Variants in SF3A1 observed in about 807,000 individuals in gnomAD.
SF3A1 encodes the protein SAP 114.
SF3A1 carries 13 observed loss-of-function variants against 89.9 expected under a neutral mutation model. The ratio of observed to expected loss-of-function variants is 0.14; its 90% CI spans 0.09 to 0.23. The LOEUF (loss-of-function observed/expected upper bound fraction) is 0.23, where lower values mean the gene tolerates loss of function less well. SF3A1 is among the 10% of genes least tolerant of loss of function. The pLI, the probability that SF3A1 is intolerant of heterozygous loss-of-function variation, is 1.00. For synonymous variants in SF3A1, 405 were observed against 374.4 expected (o/e 1.08, Z -0.94); for missense variants, 604 against 1,022.1 (o/e 0.59, Z 5.58).
chr22:30,352,037 G>T (rs1210553445), intron 2 of SF3A1, among the ~76,000 whole-genome samples: 1 of 152,058 alleles, frequency 6.6e-6, no homozygotes, highest in Admixed American at 6.6e-5. Flanking sequence ...TCCATCTGAG[G>T]TGGCGGCTAG....
chr22:30,338,764 A>G, intron 11 of SF3A1, 25 bp downstream of exon 11: 1 of 1,613,302 alleles, frequency 6.2e-7, no homozygotes, highest in Non-Finnish European at 8.5e-7. Context: ...TAAAAAAGTC[A>G]GTTCCAGGGT....
rs965043762 is a variant in SF3A1 at position 30,335,727 on chromosome 22, C to T, written c.2133G>A (p.Val711=). 2 of 1,614,198 alleles carry T rather than the reference C, an allele frequency of 1.2e-6. No homozygotes were observed. Residue 711 remains valine, a synonymous_variant, in exon 14 of 16, where the codon GTG becomes GTA. Transcript: ENST00000215793. ...ATTCCGTCTTATCCTGCATGTTGGG[C>T]ACCTGGACTTTGATGGACACTGGAC... The part of the protein sequence containing the change: ...NKGPVSIKVQ[V]PNMQDKTEWK...
chr22:30,348,674 A>C (rs183526534), intron 2 of SF3A1, among the ~76,000 whole-genome samples: 1 of 152,138 alleles, frequency 6.6e-6, no homozygotes, highest in Non-Finnish European at 1.5e-5. Context: ...ACAGTATATT[A>C]GTCTAACTGG....
intron 7 of SF3A1, 129 bp downstream of exon 7, chr22:30,341,563 T>G: frequency 2.1e-6 from 1 of 481,162 alleles, no homozygotes; most frequent in Admixed American, 3.4e-5. Flanking sequence ...GGCAGCTGTA[T>G]GGCCTTGTTC....
chr22:30,342,656 G>A (rs1931297281), intron 5 of SF3A1, 149 bp downstream of exon 5: 3 of 654,192 alleles, frequency 4.6e-6, no homozygotes, highest in Admixed American at 2.8e-5. Flanking sequence ...CCGGACTCCA[G>A]GTTTCTTTGG....
chr22:30,343,386 G>T (rs572840204), intron 4 of SF3A1, among the ~76,000 whole-genome samples: 31 of 152,310 alleles, frequency 2.0e-4, no homozygotes, highest in Non-Finnish European at 4.1e-4. Flanking sequence ...GAAACTCCAT[G>T]AAGACAGGGA....
At position 30,341,878 on chromosome 22, in the gene SF3A1, G is replaced by A. The variant is rs1453227976; in HGVS notation, c.885C>T (p.Phe295=). The A allele has an allele frequency of 6.2e-7, 1 of 1,612,190 alleles. No homozygotes were observed. Among genetic ancestry groups the A allele is most frequent in the South Asian group, 1.1e-5 (1 of 91,060 alleles). The change falls in exon 7 of 16, where the codon TTC becomes TTT. Residue 295 remains phenylalanine, a synonymous_variant. Transcript: ENST00000215793. ...VDFQPNEQGN[F]PPPTTPEELG... ...GCTCCTCTGGCGTGGTGGGGGGAGG[G>A]AAGTTCCCTAGAGGGTGAGCCAGAG...
At chr22:30,343,895 A>C (rs1406610635) in intron 4 of SF3A1, among the ~76,000 whole-genome samples, 1 of 152,214 alleles carries the variant, frequency 6.6e-6, no homozygotes, top group African/African-American at 2.4e-5. Context: ...TAGAGTTAGG[A>C]AATTCTCAAG....
At position 30,340,353 on chromosome 22, in the gene SF3A1, A is replaced by C. The variant is rs1206779456; in HGVS notation, c.1218T>G (p.Ala406=). ...KASKPLPPAP[A]PDEYLVSPIT... ...TGGGGGACACAAGATACTCATCTGG[A>C]GCAGGGGCTGGAGGCAAGGGCTTGG... The change falls in exon 9 of 16, where the codon GCT becomes GCG. Residue 406 remains alanine (A), a synonymous_variant. Transcript: ENST00000215793. 6.2e-7 allele frequency: 1 copy of C among 1,611,722 alleles called. No individual in the cohort carries two copies. The highest frequency in any genetic ancestry group is 2.2e-5 in the East Asian group (1 of 44,850).
chr22:30,341,568 T>G, intron 7 of SF3A1, 124 bp downstream of exon 7: 1 of 509,376 alleles, frequency 2.0e-6, no homozygotes, highest in Non-Finnish European at 3.4e-6. Flanking sequence ...CTGTATGGCC[T>G]TGTTCAGGAC....
At chr22:30,339,684 A>G (rs1378339636) in intron 9 of SF3A1, among the ~76,000 whole-genome samples, 1 of 152,188 alleles carries the variant, frequency 6.6e-6, no homozygotes, top group African/African-American at 2.4e-5. Flanking sequence ...TGAACGTGAG[A>G]GGCGGAAGTT....
chr22:30,341,086 T>C (rs1601693522), intron 7 of SF3A1, among the ~76,000 whole-genome samples: 1 of 88,594 alleles, frequency 1.1e-5, no homozygotes, highest in East Asian at 3.8e-4. Flanking sequence ...GCACTTAACA[T>C]GCCGGGGGGG....
At position 30,337,705 on chromosome 22, in the gene SF3A1, TGG is replaced by T; in HGVS notation, c.1934_1935del (p.Pro645HisfsTer34). 2.6e-6 allele frequency: 1 copy of T among 391,644 alleles called. No individual in the cohort carries two copies. Among genetic ancestry groups the T allele is most frequent in the Non-Finnish European group, 4.4e-6 (1 of 224,902 alleles). The allele number at this position is 391,644 out of a possible 1,614,324, so 24.3% of individuals were successfully genotyped here. On this transcript the variant is annotated frameshift_variant, in exon 12 of 16. Transcript: ENST00000215793. LOFTEE classifies it high-confidence loss of function. Reference protein sequence around the residue: ...APPIMAPRPPPMIVPTAFVPA... With the variant: ...APPIMAPRPPXMIVPTAFVPA... ...AGATACTGACCTGTTGGCACAATCATGGGGGGTGGGCGGGGGGCCATAATAGG... is the reference window on the plus strand; with the variant it reads ...AGATACTGACCTGTTGGCACAATCATGGGGTGGGCGGGGGGCCATAATAGG...
Position 30,356,747 on chromosome 22 carries a change from G to T in SF3A1, c.46C>A (p.Pro16Thr). The change falls in exon 1 of 16, where the codon CCC (proline) becomes ACC (threonine). Residue 16 changes from proline (P) to threonine (T), a missense_variant. This residue lies in a region of SF3A1 where 55 missense variants were observed against 43.8 expected (regional missense o/e 1.25). Coordinates refer to ENST00000215793, the MANE Select transcript of SF3A1 (RefSeq NM_005877.6). ...AGAGGTACCTGTTTGGGCTCCGTGG[G>T]CACGGGCGGCGGCGGGGGCACCGCC... Reference protein sequence around the residue: ...VQAVPPPPPVPTEPKQPTEEE... With the variant: ...VQAVPPPPPVTTEPKQPTEEE... 1 of 1,492,240 alleles carries T rather than the reference G, an allele frequency of 6.7e-7. No homozygotes were observed. 92.4% of individuals were successfully genotyped at this position (1,492,240 alleles called of 1,614,324 possible).
chr22:30,353,313 G>A (rs1931657110), intron 1 of SF3A1, among the ~76,000 whole-genome samples: 1 of 152,172 alleles, frequency 6.6e-6, no homozygotes, highest in Non-Finnish European at 1.5e-5. Context: ...CTATCTCAGT[G>A]AGACCAGGAA....
At chr22:30,356,661 A>T in intron 1 of SF3A1, 69 bp downstream of exon 1, 1 of 1,234,374 alleles carries the variant, frequency 8.1e-7, no homozygotes, top group East Asian at 3.1e-5. Flanking sequence ...CCGGCCGCTT[A>T]TTCCTGTGCG....
chr22:30,353,815 C>T (rs753104365), intron 1 of SF3A1, among the ~76,000 whole-genome samples: 34 of 152,230 alleles, frequency 2.2e-4, no homozygotes, highest in Non-Finnish European at 3.8e-4. Flanking sequence ...GTTTTGTCTG[C>T]GACTCGTCCT....
At chr22:30,335,566 C>G in intron 14 of SF3A1, 28 bp from the exon 15 acceptor site, 1 of 1,613,818 alleles carries the variant, frequency 6.2e-7, no homozygotes. Flanking sequence ...GGTCATTCAA[C>G]TCCTTGGTAA....
intron 2 of SF3A1, among the ~76,000 whole-genome samples, chr22:30,349,644 ATGG>A (rs1931525243): frequency 1.3e-5 from 2 of 149,734 alleles, no homozygotes; most frequent in African/African-American, 5.0e-5. Context: ...AGGGATGTGC[ATGG>A]TTTTGGATTT....
Sources: allele counts gnomAD v4.1 joint callset (sites outside exome capture counted in the v4.1 genomes callset), GRCh38; gene constraint gnomAD v4.1.1; regional missense constraint gnomAD v4.1.1; transcripts MANE v1.5; gene names NCBI Gene and HGNC (gene_info 2026-07-23, HGNC 2026-07-21).